Variants in PDIA4 observed in about 807,000 individuals in gnomAD.
PDIA4 encodes protein disulfide isomerase family A member 4.
PDIA4 carries 33 observed loss-of-function variants against 62.1 expected under a neutral mutation model. The ratio of observed to expected loss-of-function variants is 0.53; its 90% confidence interval spans 0.40 to 0.71. The LOEUF is 0.71. PDIA4 is among the 30% of genes least tolerant of loss of function. The pLI, the probability that PDIA4 is intolerant of heterozygous loss-of-function variation, is 0.00. For missense variants in PDIA4, 804 were observed against 813.6 expected (o/e 0.99, Z 0.14); for synonymous variants, 341 against 324.1 (o/e 1.05, Z -0.56).
intron 4 of PDIA4, among the ~76,000 whole-genome samples, 197 bp downstream of exon 4, chr7:149,014,707 A>T (rs1824069410): frequency 6.6e-6 from 1 of 152,176 alleles, no homozygotes; most frequent in African/African-American, 2.4e-5. Flanking sequence ...ACTACTTGGC[A>T]GTTCCTTCCA....
At chr7:149,020,870 C>A in intron 2 of PDIA4, 97 bp downstream of exon 2, 1 of 1,502,584 alleles carries the variant, frequency 6.7e-7, no homozygotes, top group Non-Finnish European at 8.9e-7. Context: ...CCCAGACACT[C>A]CTACCCCACC....
At chr7:149,025,827 G>A (rs1004471023) in intron 1 of PDIA4, among the ~76,000 whole-genome samples, 1 of 152,146 alleles carries the variant, frequency 6.6e-6, no homozygotes, top group African/African-American at 2.4e-5. Context: ...AAAAATAGGT[G>A]AATTTCTACT....
intron 1 of PDIA4, 149 bp downstream of exon 1, chr7:149,028,172 C>T (rs1585437195): frequency 3.2e-6 from 2 of 620,450 alleles, no homozygotes; most frequent in Non-Finnish European, 5.6e-6. Context: ...CCTTCAACTC[C>T]GCCAAGTTTA....
At chr7:149,022,458 C>G (rs1824385739) in intron 1 of PDIA4, among the ~76,000 whole-genome samples, 1 of 152,136 alleles carries the variant, frequency 6.6e-6, no homozygotes, top group Non-Finnish European at 1.5e-5. Context: ...TTTTTATTAA[C>G]CAGGTTCTCT....
intron 1 of PDIA4, among the ~76,000 whole-genome samples, chr7:149,026,756 G>C (rs1423412122): frequency 6.7e-6 from 1 of 148,614 alleles, no homozygotes; most frequent in East Asian, 2.0e-4. Flanking sequence ...CCATGATCAG[G>C]ACAGTGCACT....
At chr7:149,017,723 T>C (rs1296781324) in intron 3 of PDIA4, among the ~76,000 whole-genome samples, 1 of 152,144 alleles carries the variant, frequency 6.6e-6, no homozygotes, top group Non-Finnish European at 1.5e-5. Flanking sequence ...TTTATCGAAA[T>C]AAAATTAAAT....
Position 149,028,418 on chromosome 7 carries a change from G to T in PDIA4, c.-10C>A. 6.7e-7 allele frequency: 1 copy of T among 1,484,408 alleles called. No homozygotes were observed. Among genetic ancestry groups the T allele is most frequent in the South Asian group, 1.3e-5 (1 of 78,660 alleles). The allele number at this position is 1,484,408 out of a possible 1,614,324, so 92.0% of individuals were successfully genotyped here. On this transcript the variant is annotated 5_prime_UTR_variant, in exon 1 of 10. Transcript: ENST00000652332. Reference sequence around the variant, plus strand: ...CTTTCCGGGGCCTCATGGTAGCGGGGGCGGAGCGCGGCCTCCTAGCGTCGG... The same window carrying T: ...CTTTCCGGGGCCTCATGGTAGCGGGTGCGGAGCGCGGCCTCCTAGCGTCGG...
At chr7:149,010,584 C>A (rs1823910682) in intron 6 of PDIA4, among the ~76,000 whole-genome samples, 1 of 152,140 alleles carries the variant, frequency 6.6e-6, no homozygotes, top group Admixed American at 6.6e-5. Flanking sequence ...TGGCTTCAGG[C>A]AGAGACAGAC....
intron 6 of PDIA4, among the ~76,000 whole-genome samples, chr7:149,009,449 C>CTA (rs1279691590): frequency 6.6e-6 from 1 of 152,202 alleles, no homozygotes; most frequent in East Asian, 1.9e-4. Context: ...TCCTATATCC[C>CTA]TATGTGGAGT....
chr7:149,005,235 G>A lies in PDIA4; in HGVS notation c.1428C>T (p.Ala476=), dbSNP rs762227225. Residue 476 remains alanine, a synonymous_variant, in exon 9 of 10, where the codon GCC becomes GCT. Coordinates refer to ENST00000652332, the MANE Select transcript of PDIA4 (RefSeq NM_004911.5). ...GLSESGEDVN[A]AILDESGKKF... Reference sequence around the variant, plus strand: ...TCTTCCCACTCTCGTCCAGGATGGCGGCATTGACATCCTCCCCACTCTCGC... The same window carrying A: ...TCTTCCCACTCTCGTCCAGGATGGCAGCATTGACATCCTCCCCACTCTCGC... The A allele has an allele frequency of 8.1e-6, 13 of 1,614,068 alleles. No individual in the cohort carries two copies. Among genetic ancestry groups the A allele is most frequent in the Middle Eastern group, 1.6e-4 (1 of 6,062 alleles).
At chr7:149,028,081 G>A (rs1028114293) in intron 1 of PDIA4, 48 of 619,180 alleles carry the variant, frequency 7.8e-5, no homozygotes, top group Middle Eastern at 3.3e-4. Context: ...CCAGGGCGTC[G>A]GAGCCCAAGA....
chr7:149,008,986 C>T (rs1039923630), intron 6 of PDIA4, among the ~76,000 whole-genome samples: 6 of 152,144 alleles, frequency 3.9e-5, no homozygotes, highest in Non-Finnish European at 7.4e-5. Context: ...AGTGAAGTGG[C>T]GTGATTTCGG....
rs1480202421 is a variant in PDIA4, at chr7:149,003,195, C to T, written c.*599G>A. ...GGGCTCTCAAGAGGTGGGGCTGCCA[C>T]GTGGGTGGCCTCTCCCTGGAGCTGA... On this transcript the variant is annotated 3_prime_UTR_variant, in exon 10 of 10. Coordinates refer to ENST00000652332, the MANE Select transcript of PDIA4 (RefSeq NM_004911.5). 3 of 167,228 alleles carry T rather than the reference C, an allele frequency of 1.8e-5. No homozygotes were observed. Among genetic ancestry groups the T allele is most frequent in the South Asian group, 2.0e-4 (1 of 4,918 alleles). The allele number at this position is 167,228 out of a possible 1,614,324, so 10.4% of individuals were successfully genotyped here. A position where few individuals can be genotyped will look rare whatever the true frequency, so the allele number is the denominator to read the frequency against.
At chr7:149,020,490 C>T (rs1179088482) in intron 2 of PDIA4, among the ~76,000 whole-genome samples, 1 of 152,174 alleles carries the variant, frequency 6.6e-6, no homozygotes, top group Non-Finnish European at 1.5e-5. Flanking sequence ...GTGGGGATGC[C>T]TGACTGGTCC....
Position 149,019,086 on chromosome 7 carries a change from C to G in PDIA4, c.381G>C (p.Val127=), listed in dbSNP as rs1563123088. 6.2e-7 allele frequency: 1 copy of G among 1,613,670 alleles called. No individual in the cohort carries two copies. The highest frequency in any genetic ancestry group is 8.5e-7 in the Non-Finnish European group (1 of 1,179,914). ...CACTCACATCAAACCTGCTGGCCAGCACAGACGCTGAGGTTGCATCGATCT... is the reference window on the plus strand; with the variant it reads ...CACTCACATCAAACCTGCTGGCCAGGACAGACGCTGAGGTTGCATCGATCT... ...VAKIDATSAS[V]LASRFDVSGY... Residue 127 remains valine (V), a synonymous_variant, in exon 3 of 10, where the codon GTG becomes GTC. Transcript: ENST00000652332.
intron 4 of PDIA4, 95 bp downstream of exon 4, chr7:149,014,809 C>T (rs1287532989): frequency 8.2e-7 from 1 of 1,216,160 alleles, no homozygotes; most frequent in Non-Finnish European, 1.2e-6. Context: ...CCACCTTGCT[C>T]CTCTGCTGTT....
chr7:149,017,089 T>C (rs1824162362), intron 3 of PDIA4, among the ~76,000 whole-genome samples: 1 of 152,108 alleles, frequency 6.6e-6, no homozygotes, highest in African/African-American at 2.4e-5. Context: ...TGCCAAGGCC[T>C]GGCAAGGGCA....
At chr7:149,004,266 G>T in intron 9 of PDIA4, 57 bp from the exon 10 acceptor site, 1 of 1,532,076 alleles carries the variant, frequency 6.5e-7, no homozygotes, top group South Asian at 1.2e-5. Flanking sequence ...CAAAGATTCT[G>T]GGGGCTCTCT....
intron 1 of PDIA4, among the ~76,000 whole-genome samples, chr7:149,021,488 CAAAAAAAAAAA>C (rs34989074): frequency 1.5e-5 from 1 of 64,932 alleles, no homozygotes; most frequent in Non-Finnish European, 2.8e-5. Context: ...CACTTCATCT[CAAAAAAAAAAA>C]AAAAAAAAAA....
Sources: gnomAD v4.1 joint callset for allele counts (sites outside exome capture counted in the v4.1 genomes callset) on GRCh38, gnomAD v4.1.1 for gene constraint, MANE v1.5 for transcripts, NCBI Gene and HGNC (gene_info 2026-07-23, HGNC 2026-07-21) for gene names.